Variants in HBP1 observed in about 807,000 individuals in gnomAD.
The protein encoded by HBP1 is HMG box-containing protein 1.
HBP1 carries 20 observed loss-of-function variants against 62.6 expected under a neutral mutation model. The ratio of observed to expected loss-of-function variants is 0.32; its 90% CI spans 0.22 to 0.46. The LOEUF (loss-of-function observed/expected upper bound fraction) is 0.46, where lower values mean the gene tolerates loss of function less well. Among genes scored for constraint, HBP1 ranks in the 20% least tolerant of loss-of-function variants. HBP1 has a pLI of 1.00. For missense variants in HBP1, 480 were observed against 611.8 expected, an observed-to-expected ratio of 0.78 and a Z score of 2.27; for synonymous variants, 232 against 206.2, an observed-to-expected ratio of 1.12 and a Z score of -1.07.
chr7:107,186,156 C>CTTTTTT (rs946488645), intron 4 of HBP1, among the ~76,000 whole-genome samples: 18 of 127,268 alleles, frequency 1.4e-4, no homozygotes, highest in Middle Eastern at 4.8e-3. Context: ...TCTTTTTTTT[C>CTTTTTT]TTTTTTTTTC....
At chr7:107,190,131 T>C (rs1449915881) in intron 7 of HBP1, 42 bp from the exon 8 acceptor site, 7 of 1,521,614 alleles carry the variant, frequency 4.6e-6, no homozygotes, top group Non-Finnish European at 6.2e-6. Context: ...TAGGGTGCTT[T>C]CTGTGAGTCC....
At chr7:107,185,562 C>T (rs563967572) in intron 3 of HBP1, among the ~76,000 whole-genome samples, 20 of 151,990 alleles carry the variant, frequency 1.3e-4, no homozygotes, top group African/African-American at 4.6e-4. Flanking sequence ...AAACCATAGT[C>T]GTAGTTTAAA....
At position 107,201,702 on chromosome 7, in the gene HBP1, A is replaced by G. The variant is rs1456564176; in HGVS notation, c.*271A>G. 1 of 363,994 alleles carries G rather than the reference A, an allele frequency of 2.7e-6. No individual in the cohort carries two copies. The highest frequency in any genetic ancestry group is 2.1e-5 in the African/African-American group (1 of 47,882). 22.5% of individuals were successfully genotyped at this position (363,994 alleles called of 1,614,324 possible). ...CTATCAGGTAATAATAGGCTTGAAA[A>G]TTGATATCCTGTGGTGCTAAAGTAC... On this transcript the variant is annotated 3_prime_UTR_variant, in exon 11 of 11. Transcript: ENST00000222574.
At chr7:107,176,605 C>T (rs1363351623) in intron 1 of HBP1, among the ~76,000 whole-genome samples, 1 of 151,988 alleles carries the variant, frequency 6.6e-6, no homozygotes, top group East Asian at 1.9e-4. Flanking sequence ...AGATCAGATC[C>T]TCTGGGGATG....
chr7:107,200,047 G>A, intron 9 of HBP1, 113 bp from the exon 10 acceptor site: 1 of 807,864 alleles, frequency 1.2e-6, no homozygotes, highest in East Asian at 2.8e-5. Flanking sequence ...CTCTGTGATA[G>A]ACAAGATTTT....
chr7:107,179,831 C>A, intron 1 of HBP1, 48 bp from the exon 2 acceptor site: 1 of 1,303,538 alleles, frequency 7.7e-7, no homozygotes, highest in Non-Finnish European at 1.1e-6. Context: ...GTGTACTGCC[C>A]AAATTGCATG....
chr7:107,170,623 C>T (rs1796507994), intron 1 of HBP1, among the ~76,000 whole-genome samples: 1 of 152,082 alleles, frequency 6.6e-6, no homozygotes, highest in Non-Finnish European at 1.5e-5. Flanking sequence ...GCCGTTTAAC[C>T]ACTTTAAAGC....
chr7:107,183,618 TA>T (rs957676451), intron 3 of HBP1, among the ~76,000 whole-genome samples: 4 of 151,386 alleles, frequency 2.6e-5, no homozygotes, highest in Non-Finnish European at 4.4e-5. Context: ...TATTTATTTT[TA>T]AAAAAAAACC....
At chr7:107,186,322 A>T in intron 4 of HBP1, 39 bp from the exon 5 acceptor site, 1 of 1,224,522 alleles carries the variant, frequency 8.2e-7, no homozygotes, top group Non-Finnish European at 1.2e-6. Flanking sequence ...GGTATATTTT[A>T]AAAACAAATA....
At position 107,201,578 on chromosome 7, in the gene HBP1, A is replaced by G; in HGVS notation, c.*147A>G. 2.1e-6 allele frequency: 1 copy of G among 467,828 alleles called. No homozygotes were observed. The highest frequency in any genetic ancestry group is 5.0e-5 in the South Asian group (1 of 20,062). 29.0% of individuals were successfully genotyped at this position (467,828 alleles called of 1,614,324 possible). A position where few individuals can be genotyped will look rare whatever the true frequency, so the allele number is the denominator to read the frequency against. Reference sequence around the variant, plus strand: ...CATTGAGTCTTGAAATGATTTAATAATATGAGTGAGGATTTGCTTTCTCCA... The same window carrying G: ...CATTGAGTCTTGAAATGATTTAATAGTATGAGTGAGGATTTGCTTTCTCCA... On this transcript the variant is annotated 3_prime_UTR_variant, in exon 11 of 11. Coordinates refer to ENST00000222574, the MANE Select transcript of HBP1 (RefSeq NM_012257.4).
At position 107,185,917 on chromosome 7, in the gene HBP1, A is replaced by G; in HGVS notation, c.515A>G (p.Glu172Gly). 3 of 1,612,578 alleles carry G rather than the reference A, an allele frequency of 1.9e-6. No individual in the cohort carries two copies. Among genetic ancestry groups the G allele is most frequent in the Non-Finnish European group, 2.5e-6 (3 of 1,178,576 alleles). The change falls in exon 4 of 11, where the codon GAG (glutamate) becomes GGG (glycine). Residue 172 changes from glutamate (E) to glycine (G), a missense_variant. Coordinates refer to ENST00000222574, the MANE Select transcript of HBP1 (RefSeq NM_012257.4). ...EPAFPHHHWKEETPVRHERAN... is the reference protein window; with the variant it reads ...EPAFPHHHWKGETPVRHERAN... ...GCCTTCCCTCATCACCATTGGAAGG[A>G]GGAAACACCAGTAAGACACGAAAGG... is the stretch of plus-strand genomic sequence containing the variant.
intron 1 of HBP1, among the ~76,000 whole-genome samples, chr7:107,178,037 C>T (rs1471828406): frequency 1.3e-5 from 2 of 152,062 alleles, no homozygotes; most frequent in Admixed American, 6.5e-5. Context: ...AACATTTTTT[C>T]AGTGCAGTTT....
rs1005359743 is a variant in HBP1, at chr7:107,182,393, G to A, written c.190G>A (p.Ala64Thr). Residue 64 changes from alanine to threonine, a missense_variant, in exon 3 of 11, where the codon GCA (alanine) becomes ACA (threonine). By Grantham distance (58) the Ala-to-Thr change is moderately conservative. Coordinates refer to ENST00000222574, the MANE Select transcript of HBP1 (RefSeq NM_012257.4). ...MELDDLPELQ[A>T]VQSDPTQSGM... ...TGCAGATGACCTTCCTGAACTTCAG[G>A]CAGTTCAAAGTGATCCTACCCAATC... The A allele has an allele frequency of 1.2e-6, 2 of 1,608,390 alleles. No homozygotes were observed. The highest frequency in any genetic ancestry group is 1.7e-6 in the Non-Finnish European group (2 of 1,174,992).
intron 2 of HBP1, 22 bp downstream of exon 2, chr7:107,180,084 A>G (rs766445966): frequency 1.4e-6 from 2 of 1,463,086 alleles, no homozygotes; most frequent in South Asian, 2.6e-5. Flanking sequence ...TAAAAGTTAT[A>G]TAGAAATCTC....
chr7:107,202,048 C>A lies in HBP1; in HGVS notation c.*617C>A, dbSNP rs183289135. On this transcript the variant is annotated 3_prime_UTR_variant, in exon 11 of 11. Transcript: ENST00000222574. ...TACCATGGCATGCTGAGTTGATGCA[C>A]CAGGTGGCAGCAGCCATCCGTTATT... 1.5e-3 allele frequency: 234 copies of A among 152,784 alleles called. 1 individual carries two copies. Among genetic ancestry groups the A allele is most frequent in the Non-Finnish European group, 1.7e-3 (113 of 68,050 alleles). The allele number at this position is 152,784 out of a possible 1,614,324, so 9.5% of individuals were successfully genotyped here. A position where few individuals can be genotyped will look rare whatever the true frequency, so the allele number is the denominator to read the frequency against.
intron 9 of HBP1, among the ~76,000 whole-genome samples, chr7:107,199,253 T>TAGTAGAGATGGGGTGACGG (rs1225164033): frequency 6.6e-6 from 1 of 151,872 alleles, no homozygotes; most frequent in African/African-American, 2.4e-5. Flanking sequence ...ACCTGGCAAA[T>TAGTAGAGATGGGGTGACGG]AGTAGAGATG....
At chr7:107,175,747 T>C (rs1415186498) in intron 1 of HBP1, among the ~76,000 whole-genome samples, 3 of 144,630 alleles carry the variant, frequency 2.1e-5, no homozygotes, top group African/African-American at 5.7e-5. Flanking sequence ...GACGGAGTCT[T>C]GCTCTGTCGC....
chr7:107,186,614 A>T lies in HBP1; in HGVS notation c.698A>T (p.Asp233Val). 1 of 1,613,888 alleles carries T rather than the reference A, an allele frequency of 6.2e-7. No homozygotes were observed. The highest frequency in any genetic ancestry group is 8.5e-7 in the Non-Finnish European group (1 of 1,179,764). ...AAGGGAAGCAATAAGGAATGGCAAG[A>T]TGTTGAAGATTTTGCTAGAGCTGAA... ...FHKGSNKEWQ[D>V]VEDFARAEGC... The change falls in exon 6 of 11, where the codon GAT (aspartate) becomes GTT (valine). Residue 233 changes from aspartate to valine, a missense_variant. Transcript: ENST00000222574.
At position 107,180,335 on chromosome 7, in the gene HBP1, G is replaced by A. The variant is rs569881346; in HGVS notation, c.169+273G>A. 1.4e-3 allele frequency among the ~76,000 whole-genome samples: 219 copies of A among 152,288 alleles called. 1 individual carries two copies. The highest frequency in any genetic ancestry group is 3.5e-3 in the South Asian group (17 of 4,822). On this transcript the variant is annotated intron_variant, in intron 2 of 10. Transcript: ENST00000222574. ...GATTGGACCCCACTCGTGGCTTTTC[G>A]AAAGATGCTACTTTTGAAATATACT...
Sources: gnomAD v4.1 joint callset for allele counts (sites outside exome capture counted in the v4.1 genomes callset) on GRCh38, gnomAD v4.1.1 for gene constraint, MANE v1.5 for transcripts, NCBI Gene and HGNC (gene_info 2026-07-23, HGNC 2026-07-21) for gene names.